Variants in SLC39A11 observed in about 807,000 individuals in gnomAD.
SLC39A11 encodes solute carrier family 39 member 11.
SLC39A11 carries 33 observed loss-of-function variants against 36.1 expected under a neutral mutation model. The observed-to-expected ratio is 0.91, with a 90% CI of 0.69 to 1.22. The LOEUF (loss-of-function observed/expected upper bound fraction) is 1.22, where lower values mean the gene tolerates loss of function less well. SLC39A11 is among the 50% of genes most tolerant of loss of function. The probability of loss-of-function intolerance (pLI) is 0.00; values close to 1 mark genes in which losing one functional copy is unlikely to be tolerated. For synonymous variants in SLC39A11, 166 were observed against 170.3 expected, an observed-to-expected ratio of 0.97 and a Z score of 0.20; for missense variants, 432 against 430.3, an observed-to-expected ratio of 1.00 and a Z score of -0.03.
intron 5 of SLC39A11, among the ~76,000 whole-genome samples, chr17:72,879,960 C>G (rs78511368): frequency 0.043 from 6,530 of 152,290 alleles, 473 homozygotes; most frequent in African/African-American, 0.14. Flanking sequence ...ACATTTTACC[C>G]CATCATTTGT....
Position 72,991,599 on chromosome 17 carries a change from T to TCCCC in SLC39A11, c.306+39953_306+39956dup, listed in dbSNP as rs113884833. Among the ~76,000 whole-genome samples, 323 of 150,736 alleles carry TCCCC rather than the reference T, an allele frequency of 2.1e-3. 2 individuals carry two copies. The highest frequency in any genetic ancestry group is 7.5e-3 in the African/African-American group (306 of 40,910). ...GTCTTGAACTCCTGATCTCAGATAA[T>TCCCC]CCCCCCGCCTTGGCCTCCCAAAGTG... On this transcript the variant is annotated intron_variant, in intron 4 of 9. Coordinates refer to ENST00000255559, the MANE Select transcript of SLC39A11 (RefSeq NM_139177.4).
chr17:72,709,071 G>C (rs2073010973), intron 7 of SLC39A11, among the ~76,000 whole-genome samples: 1 of 151,994 alleles, frequency 6.6e-6, no homozygotes, highest in African/African-American at 2.4e-5. Flanking sequence ...GAGCAGCTGG[G>C]ACTACAGGCG....
intron 5 of SLC39A11, among the ~76,000 whole-genome samples, chr17:72,930,473 A>T (rs998559382): frequency 6.6e-6 from 1 of 152,236 alleles, no homozygotes; most frequent in African/African-American, 2.4e-5. Context: ...CAAAGGGAAG[A>T]GCAGCACCAT....
chr17:72,805,698 C>T (rs192795647), intron 6 of SLC39A11, among the ~76,000 whole-genome samples: 2 of 152,130 alleles, frequency 1.3e-5, no homozygotes, highest in African/African-American at 2.4e-5. Context: ...TGAGTGCAAA[C>T]AGTGACAGCC....
intron 4 of SLC39A11, among the ~76,000 whole-genome samples, chr17:73,024,664 C>T (rs2058468790): frequency 6.6e-6 from 1 of 152,062 alleles, no homozygotes; most frequent in Admixed American, 6.6e-5. Context: ...TCAATAGCAG[C>T]TCCAGCCAGC....
chr17:72,777,954 G>C (rs2076192425), intron 6 of SLC39A11, among the ~76,000 whole-genome samples: 1 of 152,032 alleles, frequency 6.6e-6, no homozygotes, highest in African/African-American at 2.4e-5. Flanking sequence ...ATCCGGGCTG[G>C]AGTGCAGTGG....
At chr17:72,971,345 C>G (rs73996070) in intron 4 of SLC39A11, among the ~76,000 whole-genome samples, 3,139 of 151,990 alleles carry the variant, frequency 0.021, 116 homozygotes, top group African/African-American at 0.072. Context: ...CACTCTCTCT[C>G]TCTCTCTCTC....
chr17:72,980,381 G>C (rs1231243548), intron 4 of SLC39A11, among the ~76,000 whole-genome samples: 1 of 152,314 alleles, frequency 6.6e-6, no homozygotes, highest in African/African-American at 2.4e-5. Context: ...AACTTAAAAT[G>C]CTACTGGGAG....
intron 6 of SLC39A11, among the ~76,000 whole-genome samples, chr17:72,819,883 T>G (rs1220117158): frequency 6.6e-6 from 1 of 151,162 alleles, no homozygotes; most frequent in Non-Finnish European, 1.5e-5. Flanking sequence ...TCCCTCTCTG[T>G]GTTAAGAAGC....
At position 72,952,587 on chromosome 17, in the gene SLC39A11, T is replaced by C. The variant is rs149406853; in HGVS notation, c.307-4712A>G. Among the ~76,000 whole-genome samples the C allele has an allele frequency of 2.7e-3, 413 of 152,352 alleles. 1 individual carries two copies. Among genetic ancestry groups the C allele is most frequent in the Non-Finnish European group, 3.7e-3 (252 of 68,030 alleles). On this transcript the variant is annotated intron_variant, in intron 4 of 9. Coordinates refer to ENST00000255559, the MANE Select transcript of SLC39A11 (RefSeq NM_139177.4). ...AATAAATACAGCCTTGGCCCGTGCA[T>C]GAGGAACCAAGGCCCTCAGGGAGAA...
At chr17:72,986,464 G>A (rs912534253) in intron 4 of SLC39A11, among the ~76,000 whole-genome samples, 15 of 152,154 alleles carry the variant, frequency 9.9e-5, no homozygotes, top group Admixed American at 5.9e-4. Flanking sequence ...AGTGTGACGC[G>A]CCACCTGCCA....
At chr17:72,717,401 C>A (rs1367881211) in intron 7 of SLC39A11, among the ~76,000 whole-genome samples, 1 of 152,112 alleles carries the variant, frequency 6.6e-6, no homozygotes, top group African/African-American at 2.4e-5. Context: ...AAGTTGTCCG[C>A]AGGGCTATGC....
At chr17:72,695,425 C>G (rs1226473931) in intron 7 of SLC39A11, among the ~76,000 whole-genome samples, 2 of 152,226 alleles carry the variant, frequency 1.3e-5, no homozygotes, top group Non-Finnish European at 2.9e-5. Flanking sequence ...CGCTGCACCC[C>G]CTGGGTGCTT....
chr17:73,047,386 G>T (rs2059333396), intron 3 of SLC39A11, among the ~76,000 whole-genome samples: 1 of 152,194 alleles, frequency 6.6e-6, no homozygotes, highest in Non-Finnish European at 1.5e-5. Context: ...CCATTCACCA[G>T]CTGGGGGATG....
chr17:72,774,717 C>CA (rs1444088741), intron 6 of SLC39A11, among the ~76,000 whole-genome samples: 3 of 152,082 alleles, frequency 2.0e-5, no homozygotes, highest in African/African-American at 4.8e-5. Flanking sequence ...ATTTGCTATT[C>CA]AAAAAATTAA....
chr17:73,055,595 G>A, intron 3 of SLC39A11, among the ~76,000 whole-genome samples: 1 of 145,010 alleles, frequency 6.9e-6, no homozygotes, highest in East Asian at 2.3e-4. Context: ...ACCATGGCTG[G>A]ATAATTTGTG....
At chr17:72,935,729 C>T (rs1486910925) in intron 5 of SLC39A11, among the ~76,000 whole-genome samples, 4 of 152,030 alleles carry the variant, frequency 2.6e-5, no homozygotes, top group Non-Finnish European at 2.9e-5. Flanking sequence ...ATTACAGGCA[C>T]GCGCCACCAT....
In SLC39A11 at chr17:72,647,052, C is replaced by CCT. The variant is rs1173610952; in HGVS notation, c.*530_*531dup. ...AGGGGGAGGTAAAGGAAGACATGCT[C>CCT]CTCTCTGGGCTGGCTCGGCCTTGGA... On this transcript the variant is annotated 3_prime_UTR_variant, in exon 10 of 10. Coordinates refer to ENST00000255559, the MANE Select transcript of SLC39A11 (RefSeq NM_139177.4). The CCT allele has an allele frequency of 6.6e-6, 1 of 151,924 alleles. No individual in the cohort carries two copies. The highest frequency in any genetic ancestry group is 1.9e-4 in the East Asian group (1 of 5,186). The allele number at this position is 151,924 out of a possible 1,614,324, so 9.4% of individuals were successfully genotyped here.
chr17:72,782,948 G>A (rs570589237), intron 6 of SLC39A11, among the ~76,000 whole-genome samples: 76 of 144,814 alleles, frequency 5.2e-4, no homozygotes, highest in South Asian at 4.2e-3. Flanking sequence ...ATTGCGGTGA[G>A]CTGAGATCAT....
Sources: allele counts gnomAD v4.1 joint callset (sites outside exome capture counted in the v4.1 genomes callset), GRCh38; gene constraint gnomAD v4.1.1; transcripts MANE v1.5; gene names NCBI Gene and HGNC (gene_info 2026-07-23, HGNC 2026-07-21).